Variants in DDAH1 observed in about 807,000 individuals in gnomAD.
DDAH1 encodes dimethylarginine dimethylaminohydrolase 1, also known as N(G),N(G)-dimethylarginine dimethylaminohydrolase 1.
Under a neutral mutation model 28.8 loss-of-function variants are expected in DDAH1, and 19 were observed. The observed-to-expected ratio is 0.66, with a 90% CI of 0.46 to 0.97. The LOEUF (loss-of-function observed/expected upper bound fraction) is 0.97, where lower values mean the gene tolerates loss of function less well. Ranked by LOEUF, DDAH1 falls within the 50% of genes least tolerant of loss-of-function variation. The pLI is 0.00. For synonymous variants in DDAH1, 153 were observed against 154.4 expected (o/e 0.99, Z 0.07); for missense variants, 326 against 375.9 (o/e 0.87, Z 1.10).
chr1:85,492,467 A>G (rs540850157), intron 2 of DDAH1, among the ~76,000 whole-genome samples: 5 of 152,282 alleles, frequency 3.3e-5, no homozygotes, highest in Admixed American at 2.6e-4. Context: ...ATTCTGTTCC[A>G]TTTCTGAAAT....
rs566233579 is a variant in DDAH1 at position 85,395,626 on chromosome 1, C to T, written c.304-36779G>A. Among the ~76,000 whole-genome samples the T allele has an allele frequency of 2.0e-5, 3 of 150,770 alleles. No individual in the cohort carries two copies. The East Asian group carries it at 5.9e-4, about 29-fold the overall frequency. ...GGCAGAGATTGCGGTGAGCTGAGAT[C>T]GCACCATTGCACTCCAGCCTAGGCA... On this transcript the variant is annotated intron_variant, in intron 1 of 5. Coordinates refer to ENST00000284031, the MANE Select transcript of DDAH1 (RefSeq NM_012137.4).
At chr1:85,570,625 A>G (rs1659428028) in intron 1 of DDAH1, among the ~76,000 whole-genome samples, 2 of 152,214 alleles carry the variant, frequency 1.3e-5, no homozygotes, top group Admixed American at 6.5e-5. Context: ...CAGAGATTCC[A>G]TATGTCTAAA....
chr1:85,479,242 C>T (rs1465090985), intron 2 of DDAH1, among the ~76,000 whole-genome samples: 2 of 142,176 alleles, frequency 1.4e-5, no homozygotes, highest in South Asian at 2.3e-4. Context: ...GGCGCGATCT[C>T]GGCTCACTGC....
intron 2 of DDAH1, among the ~76,000 whole-genome samples, chr1:85,355,321 G>T (rs1649435618): frequency 6.6e-6 from 1 of 152,038 alleles, no homozygotes; most frequent in South Asian, 2.1e-4. Context: ...TGATTCTAGA[G>T]AATAGAAAAA....
intron 4 of DDAH1, among the ~76,000 whole-genome samples, chr1:85,331,168 G>C (rs1647735896): frequency 6.6e-6 from 1 of 152,164 alleles, no homozygotes; most frequent in Non-Finnish European, 1.5e-5. Context: ...ATTTCCGGCA[G>C]TTCCCAACAT....
At chr1:85,532,120 T>G (rs1570649014) in intron 1 of DDAH1, among the ~76,000 whole-genome samples, 1 of 151,378 alleles carries the variant, frequency 6.6e-6, no homozygotes, top group Admixed American at 6.6e-5. Flanking sequence ...CCAGAGTTCA[T>G]GCCTTTTTAT....
chr1:85,512,137 A>G (rs1420526363), intron 1 of DDAH1, among the ~76,000 whole-genome samples: 1 of 152,228 alleles, frequency 6.6e-6, no homozygotes, highest in Non-Finnish European at 1.5e-5. Context: ...AGTACATCAA[A>G]AAGCTTATCC....
At chr1:85,402,649 G>T (rs560232916) in intron 1 of DDAH1, among the ~76,000 whole-genome samples, 1 of 152,084 alleles carries the variant, frequency 6.6e-6, no homozygotes, top group Non-Finnish European at 1.5e-5. Context: ...GGTGGTTCAC[G>T]CCTGTAATCC....
At chr1:85,361,820 A>G (rs1649812261) in intron 1 of DDAH1, among the ~76,000 whole-genome samples, 2 of 152,160 alleles carry the variant, frequency 1.3e-5, no homozygotes, top group South Asian at 4.1e-4. Flanking sequence ...CAGTGTCCTC[A>G]GGTTATTTAG....
chr1:85,414,093 A>AGTAATTAATACAGTGGTATG (rs1652779005), intron 1 of DDAH1, among the ~76,000 whole-genome samples: 1 of 152,208 alleles, frequency 6.6e-6, no homozygotes, highest in Non-Finnish European at 1.5e-5. Flanking sequence ...TCTTGTGATG[A>AGTAATTAATACAGTGGTATG]GTAATTAATA....
intron 1 of DDAH1, among the ~76,000 whole-genome samples, chr1:85,540,549 T>C (rs1219854394): frequency 6.6e-6 from 1 of 152,222 alleles, no homozygotes; most frequent in African/African-American, 2.4e-5. Context: ...TAGAGTATGC[T>C]TCTTCAAGAC....
chr1:85,436,546 C>G (rs552252996), intron 1 of DDAH1, among the ~76,000 whole-genome samples: 2 of 152,324 alleles, frequency 1.3e-5, no homozygotes, highest in East Asian at 3.9e-4. Flanking sequence ...ATCTGGGACA[C>G]TATGAACCTC....
At chr1:85,441,254 A>C (rs1024644517) in intron 1 of DDAH1, among the ~76,000 whole-genome samples, 1 of 152,198 alleles carries the variant, frequency 6.6e-6, no homozygotes, top group Non-Finnish European at 1.5e-5. Context: ...GTAAGAAATC[A>C]GTTGCTGGCT....
upstream of DDAH1, among the ~76,000 whole-genome samples, chr1:85,468,324 T>C (rs1266842816): frequency 6.6e-6 from 1 of 152,238 alleles, no homozygotes; most frequent in Non-Finnish European, 1.5e-5. Flanking sequence ...AAGTTTTCCA[T>C]GCTCACTGTA....
Position 85,465,159 on chromosome 1 carries a change from T to C in DDAH1, c.-114A>G. The C allele has an allele frequency of 8.7e-7, 1 of 1,153,282 alleles. No homozygotes were observed. The highest frequency in any genetic ancestry group is 4.2e-5 in the South Asian group (1 of 23,690). 71.4% of individuals were successfully genotyped at this position (1,153,282 alleles called of 1,614,324 possible). A position where few individuals can be genotyped will look rare whatever the true frequency, so the allele number is the denominator to read the frequency against. On this transcript the variant is annotated 5_prime_UTR_variant, in exon 1 of 6. Coordinates refer to ENST00000284031, the MANE Select transcript of DDAH1 (RefSeq NM_012137.4). ...GGCTCCTCTTGGCAGCCGCTGAATG[T>C]GGTGCAGAAGGAGCCCAGCTCGCGC... is the stretch of plus-strand genomic sequence containing the variant.
chr1:85,506,565 A>T (rs1377056536), intron 1 of DDAH1, among the ~76,000 whole-genome samples: 1 of 152,096 alleles, frequency 6.6e-6, no homozygotes, highest in Non-Finnish European at 1.5e-5. Flanking sequence ...TCCACCCTAG[A>T]CCCACAACTT....
At chr1:85,400,525 T>G (rs1162854693) in intron 1 of DDAH1, among the ~76,000 whole-genome samples, 2 of 152,130 alleles carry the variant, frequency 1.3e-5, no homozygotes, top group Non-Finnish European at 2.9e-5. Flanking sequence ...AATTCTAAAA[T>G]GTACATCTAA....
intron 1 of DDAH1, among the ~76,000 whole-genome samples, chr1:85,450,236 AC>A (rs1654608842): frequency 6.6e-6 from 1 of 152,226 alleles, no homozygotes. Flanking sequence ...ATATTTGTTT[AC>A]TTTATGTTTT....
intron 4 of DDAH1, among the ~76,000 whole-genome samples, chr1:85,335,855 G>C (rs554944260): frequency 6.6e-6 from 1 of 152,056 alleles, no homozygotes; most frequent in Non-Finnish European, 1.5e-5. Flanking sequence ...TCAGCTGCTT[G>C]GAAGGCTGAG....
Sources: allele counts gnomAD v4.1 joint callset (sites outside exome capture counted in the v4.1 genomes callset), GRCh38; gene constraint gnomAD v4.1.1; transcripts MANE v1.5; gene names NCBI Gene and HGNC (gene_info 2026-07-23, HGNC 2026-07-21).